The following CALN1 variants were observed in gnomAD, a reference collection of about 807,000 sequenced individuals.
The protein encoded by CALN1 is calneuron 1.
A neutral mutation model predicts 30.6 loss-of-function variants in CALN1; 17 were observed. The ratio of observed to expected loss-of-function variants is 0.56; its 90% CI spans 0.38 to 0.83. The LOEUF is 0.83. Ranked by LOEUF, CALN1 falls within the 40% of genes least tolerant of loss-of-function variation. The pLI, the probability that CALN1 is intolerant of heterozygous loss-of-function variation, is 0.00. For synonymous variants in CALN1, 156 were observed against 131.4 expected, an observed-to-expected ratio of 1.19 and a Z score of -1.28; for missense variants, 291 against 354.9, an observed-to-expected ratio of 0.82 and a Z score of 1.45.
chr7:72,194,897 C>T (rs1173501070), intron 3 of CALN1, among the ~76,000 whole-genome samples: 1 of 151,878 alleles, frequency 6.6e-6, no homozygotes, highest in Non-Finnish European at 1.5e-5. Context: ...TATTCCTCCC[C>T]TCTATTCTGT....
intron 3 of CALN1, among the ~76,000 whole-genome samples, chr7:72,204,818 G>GT (rs969649697): frequency 5.3e-5 from 8 of 152,088 alleles, no homozygotes; most frequent in Non-Finnish European, 1.2e-4. Context: ...TCTACATGTA[G>GT]TTTTTTAAAC....
chr7:72,264,798 C>T (rs966357719), intron 3 of CALN1, among the ~76,000 whole-genome samples: 1 of 152,006 alleles, frequency 6.6e-6, no homozygotes, highest in African/African-American at 2.4e-5. Flanking sequence ...ATCCTAGTAC[C>T]CATTAGTTAT....
rs941424092 is a variant in CALN1 at position 72,412,045 on chromosome 7, T to A, written c.-74+13A>T. Reference sequence around the variant, plus strand: ...CAGCTGAGCCCACCATGCTCTTTAGTTTCTGTGCCCACCTGTGTGCGGAAT... The same window carrying A: ...CAGCTGAGCCCACCATGCTCTTTAGATTCTGTGCCCACCTGTGTGCGGAAT... On this transcript the variant is annotated intron_variant, in intron 1 of 6. Coordinates refer to ENST00000395275, the MANE Select transcript of CALN1 (RefSeq NM_031468.4). The A allele has an allele frequency of 1.3e-5, 2 of 152,200 alleles. No individual in the cohort carries two copies. The highest frequency in any genetic ancestry group is 4.8e-5 in the African/African-American group (2 of 41,460). 9.4% of individuals were successfully genotyped at this position (152,200 alleles called of 1,614,324 possible).
chr7:72,317,038 A>AAG (rs1169206251), intron 2 of CALN1, among the ~76,000 whole-genome samples: 4 of 144,180 alleles, frequency 2.8e-5, no homozygotes, highest in South Asian at 2.3e-4. Flanking sequence ...AGGAGGAGGG[A>AAG]AGAGAGAGAG....
intron 5 of CALN1, among the ~76,000 whole-genome samples, chr7:71,864,616 C>G (rs1212979621): frequency 6.6e-6 from 1 of 152,170 alleles, no homozygotes; most frequent in East Asian, 1.9e-4. Flanking sequence ...GAGGACCCAC[C>G]TAAGCCTCCT....
chr7:72,386,916 T>C (rs1805241286), intron 2 of CALN1, among the ~76,000 whole-genome samples: 1 of 151,958 alleles, frequency 6.6e-6, no homozygotes, highest in Admixed American at 6.6e-5. Flanking sequence ...TATGTGTACA[T>C]ACATAGTTTA....
chr7:71,812,717 A>C (rs1004555891), intron 5 of CALN1, among the ~76,000 whole-genome samples: 2 of 151,854 alleles, frequency 1.3e-5, no homozygotes, highest in African/African-American at 4.8e-5. Flanking sequence ...TCCTATCCAC[A>C]CATTTCTCAA....
chr7:71,828,426 G>T (rs943111518), intron 5 of CALN1, among the ~76,000 whole-genome samples: 5 of 152,066 alleles, frequency 3.3e-5, no homozygotes, highest in African/African-American at 1.2e-4. Flanking sequence ...CCTGGATTAT[G>T]CGGATAGACC....
At chr7:72,122,018 C>G (rs1464685293) in intron 3 of CALN1, among the ~76,000 whole-genome samples, 1 of 151,598 alleles carries the variant, frequency 6.6e-6, no homozygotes, top group Admixed American at 6.6e-5. Flanking sequence ...CCTGGCACCC[C>G]CTCCACAAAA....
chr7:71,849,324 C>G (rs1790503180), intron 5 of CALN1, among the ~76,000 whole-genome samples: 1 of 152,178 alleles, frequency 6.6e-6, no homozygotes, highest in Non-Finnish European at 1.5e-5. Context: ...TATGGACTCC[C>G]AGTCCATTCC....
intron 4 of CALN1, among the ~76,000 whole-genome samples, chr7:72,035,462 A>C (rs1801739610): frequency 6.6e-6 from 1 of 152,196 alleles, no homozygotes; most frequent in Admixed American, 6.5e-5. Flanking sequence ...TAGACTAATA[A>C]GGAGGAACTT....
At chr7:72,200,676 A>C (rs1008056077) in intron 3 of CALN1, among the ~76,000 whole-genome samples, 1 of 152,104 alleles carries the variant, frequency 6.6e-6, no homozygotes, top group South Asian at 2.1e-4. Context: ...ATGAAAAAAA[A>C]ACACACATGG....
intron 4 of CALN1, among the ~76,000 whole-genome samples, chr7:72,046,511 AG>A (rs1455447477): frequency 1.3e-5 from 2 of 152,048 alleles, no homozygotes; most frequent in Non-Finnish European, 2.9e-5. Context: ...CAGGAGTTTG[AG>A]ACCAGCATGG....
In CALN1 at chr7:71,932,625, A is replaced by G. The variant is rs542710179; in HGVS notation, c.501+91032T>C. ...TCAGGAGATCAAGACCATCCTGGCT[A>G]ACACGGTGAAACCCCGTCTCTACTA... On this transcript the variant is annotated intron_variant, in intron 5 of 6. Coordinates refer to ENST00000395275, the MANE Select transcript of CALN1 (RefSeq NM_031468.4). 1.0e-3 allele frequency among the ~76,000 whole-genome samples: 152 copies of G among 151,938 alleles called. 3 individuals carry two copies. Among genetic ancestry groups the G allele is most frequent in the Non-Finnish European group, 2.6e-4 (18 of 67,978 alleles).
At chr7:72,416,180 G>A (rs1037689673), upstream of CALN1, among the ~76,000 whole-genome samples, 31 of 152,208 alleles carry the variant, frequency 2.0e-4, no homozygotes, top group Non-Finnish European at 2.9e-5. Flanking sequence ...CCAGTGCCAT[G>A]ACAGTTTACC....
intron 5 of CALN1, among the ~76,000 whole-genome samples, chr7:71,900,228 T>C (rs919381741): frequency 2.0e-5 from 3 of 152,084 alleles, no homozygotes; most frequent in Non-Finnish European, 4.4e-5. Context: ...CAAATAACTA[T>C]GGTTATTTTT....
At chr7:71,980,002 C>T (rs976247590) in intron 5 of CALN1, among the ~76,000 whole-genome samples, 35 of 147,742 alleles carry the variant, frequency 2.4e-4, no homozygotes, top group African/African-American at 7.0e-4. Context: ...CTCAGCCTCC[C>T]ATATAGCTGG....
upstream of CALN1, among the ~76,000 whole-genome samples, chr7:72,447,924 G>T (rs1247010962): frequency 7.1e-6 from 1 of 141,634 alleles, no homozygotes; most frequent in Non-Finnish European, 1.5e-5. Context: ...ATACACACAC[G>T]CTTGCCCATG....
chr7:72,400,161 G>GC (rs1287165517), intron 2 of CALN1, among the ~76,000 whole-genome samples: 1 of 151,986 alleles, frequency 6.6e-6, no homozygotes, highest in Non-Finnish European at 1.5e-5. Flanking sequence ...GGGTGAGGAG[G>GC]CACCCCGCTT....
Sources: allele counts gnomAD v4.1 joint callset (sites outside exome capture counted in the v4.1 genomes callset), GRCh38; gene constraint gnomAD v4.1.1; transcripts MANE v1.5; gene names NCBI Gene and HGNC (gene_info 2026-07-23, HGNC 2026-07-21).